DPF3: variants seen among roughly 807,000 people sequenced by gnomAD.
DPF3 encodes the protein zinc finger protein DPF3.
DPF3 carries 18 observed loss-of-function variants against 56.8 expected under a neutral mutation model. The observed-to-expected ratio is 0.32, with a 90% CI of 0.22 to 0.47. DPF3 has a LOEUF of 0.47. Among genes scored for constraint, DPF3 ranks in the 20% least tolerant of loss-of-function variants. DPF3 has a pLI of 1.00. For synonymous variants in DPF3, 188 were observed against 180.2 expected, an observed-to-expected ratio of 1.04 and a Z score of -0.35; for missense variants, 403 against 488.8, an observed-to-expected ratio of 0.82 and a Z score of 1.65.
intron 8 of DPF3, among the ~76,000 whole-genome samples, chr14:72,658,414 A>G (rs530951734): frequency 2.0e-5 from 3 of 152,342 alleles, no homozygotes; most frequent in Admixed American, 6.5e-5. Context: ...TTAGGGATAT[A>G]ATAAAACTCA....
intron 8 of DPF3, chr14:72,660,951 G>A (rs1233171591): frequency 1.7e-6 from 1 of 584,226 alleles, no homozygotes; most frequent in African/African-American, 2.0e-5. Context: ...GAAGTGGGAA[G>A]AATCATCTCA....
chr14:72,726,932 G>A (rs1383896704), intron 4 of DPF3, among the ~76,000 whole-genome samples: 2 of 151,952 alleles, frequency 1.3e-5, no homozygotes, highest in Non-Finnish European at 2.9e-5. Context: ...TTCCATTGCT[G>A]GCCCCACATC....
chr14:72,734,958 C>G (rs1258998443), intron 3 of DPF3, among the ~76,000 whole-genome samples: 3 of 152,166 alleles, frequency 2.0e-5, no homozygotes, highest in Non-Finnish European at 4.4e-5. Flanking sequence ...CCCACTACAC[C>G]CAAGAGCACA....
chr14:72,887,000 T>C (rs1216288064), intron 1 of DPF3, among the ~76,000 whole-genome samples: 1 of 152,158 alleles, frequency 6.6e-6, no homozygotes, highest in Non-Finnish European at 1.5e-5. Flanking sequence ...CATCCAGGTA[T>C]CTGTGGCTGC....
intron 6 of DPF3, among the ~76,000 whole-genome samples, chr14:72,710,601 G>C (rs1228388684): frequency 6.6e-6 from 1 of 152,236 alleles, no homozygotes; most frequent in Non-Finnish European, 1.5e-5. Flanking sequence ...CTTCCCTCCA[G>C]TGATTCTGAT....
intron 1 of DPF3, among the ~76,000 whole-genome samples, chr14:72,874,244 C>A (rs1269331602): frequency 6.6e-6 from 1 of 151,442 alleles, no homozygotes; most frequent in African/African-American, 2.4e-5. Context: ...TTTGGGAGGC[C>A]AAGATGGGCA....
chr14:72,735,401 A>G (rs1889849816), intron 3 of DPF3, among the ~76,000 whole-genome samples: 1 of 152,112 alleles, frequency 6.6e-6, no homozygotes, highest in South Asian at 2.1e-4. Context: ...TCCTCTGATA[A>G]ATATGCCTCC....
At chr14:72,862,631 A>G (rs967664410) in intron 1 of DPF3, among the ~76,000 whole-genome samples, 1 of 152,072 alleles carries the variant, frequency 6.6e-6, no homozygotes, top group East Asian at 1.9e-4. Flanking sequence ...CACCAGCCAC[A>G]TGGCTTCCCT....
At chr14:72,735,333 T>C (rs528096389) in intron 3 of DPF3, among the ~76,000 whole-genome samples, 30 of 152,174 alleles carry the variant, frequency 2.0e-4, no homozygotes, top group Non-Finnish European at 4.3e-4. Flanking sequence ...CTACCCACTA[T>C]AGAATGTTCC....
chr14:72,834,395 GC>G (rs1884196596), intron 1 of DPF3, among the ~76,000 whole-genome samples: 1 of 150,974 alleles, frequency 6.6e-6, no homozygotes, highest in Non-Finnish European at 1.5e-5. Context: ...TATTCGGGAG[GC>G]TGAGGCAAGA....
At chr14:72,678,927 C>T (rs1182196582) in intron 7 of DPF3, among the ~76,000 whole-genome samples, 1 of 152,024 alleles carries the variant, frequency 6.6e-6, no homozygotes, top group Admixed American at 6.6e-5. Context: ...GAACAAAGTT[C>T]ATGAAGAAAG....
At chr14:72,653,978 C>G (rs371992587) in intron 8 of DPF3, among the ~76,000 whole-genome samples, 2 of 152,170 alleles carry the variant, frequency 1.3e-5, no homozygotes, top group Non-Finnish European at 2.9e-5. Flanking sequence ...GATCCTATAA[C>G]CACGACAGGA....
At chr14:72,795,001 G>T (rs1275151340) in intron 1 of DPF3, among the ~76,000 whole-genome samples, 1 of 151,854 alleles carries the variant, frequency 6.6e-6, no homozygotes, top group Non-Finnish European at 1.5e-5. Flanking sequence ...GATTACACTG[G>T]ACTCACCCAC....
At position 72,669,860 on chromosome 14, in the gene DPF3, C is replaced by A. The variant is rs972255401; in HGVS notation, c.871+4380G>T. The A allele has an allele frequency of 6.1e-6, 6 of 983,110 alleles. No homozygotes were observed. In the African/African-American group the frequency reaches 1.1e-4, roughly 17 times the overall value. The allele number at this position is 983,110 out of a possible 1,614,324, so 60.9% of individuals were successfully genotyped here. The stretch of plus-strand genomic sequence containing the variant: ...GTCCAAACCCAGGAAAACAAAAAAG[C>A]AAGCTGGGGGAAAAAGGAAAAAGAA... On this transcript the variant is annotated intron_variant, in intron 8 of 10. Coordinates refer to ENST00000556509, the MANE Select transcript of DPF3 (RefSeq NM_001280542.3).
At chr14:72,649,623 A>G (rs1026909627) in intron 8 of DPF3, among the ~76,000 whole-genome samples, 1 of 133,390 alleles carries the variant, frequency 7.5e-6, no homozygotes, top group Non-Finnish European at 1.6e-5. Flanking sequence ...AACTCTTTAA[A>G]AGATGCAGAA....
intron 5 of DPF3, among the ~76,000 whole-genome samples, chr14:72,722,820 G>C (rs1889236130): frequency 6.6e-6 from 1 of 152,156 alleles, no homozygotes; most frequent in Non-Finnish European, 1.5e-5. Context: ...TGAATGCCTG[G>C]AAGTGCCTGA....
At chr14:72,892,263 C>T (rs776163910) in intron 1 of DPF3, 5 of 1,535,526 alleles carry the variant, frequency 3.3e-6, no homozygotes, top group Non-Finnish European at 2.6e-6. Context: ...TCGGTAGAAA[C>T]AGCATCAGCG....
rs1884208287 is a variant in DPF3 at position 72,618,227 on chromosome 14, T to C, written c.*1070A>G. Among the ~76,000 whole-genome samples, 1 of 152,140 alleles carries C rather than the reference T, an allele frequency of 6.6e-6. No homozygotes were observed. On this transcript the variant is annotated 3_prime_UTR_variant, in exon 11 of 11. Coordinates refer to ENST00000556509, the MANE Select transcript of DPF3 (RefSeq NM_001280542.3). ...CTCTCCCCCATCCTAAAATTCCCAG[T>C]CAGGTCTCAGTAGACAATAGCGAAC... is the stretch of plus-strand genomic sequence containing the variant.
intron 7 of DPF3, among the ~76,000 whole-genome samples, chr14:72,688,137 G>A (rs1243708172): frequency 1.4e-5 from 2 of 139,944 alleles, no homozygotes; most frequent in Admixed American, 7.6e-5. Context: ...TGGATAGATG[G>A]ACAGATGAGA....
Sources: gnomAD v4.1 joint callset for allele counts (sites outside exome capture counted in the v4.1 genomes callset) on GRCh38, gnomAD v4.1.1 for gene constraint, MANE v1.5 for transcripts, NCBI Gene and HGNC (gene_info 2026-07-23, HGNC 2026-07-21) for gene names.